VPS13C: variants seen among roughly 807,000 people sequenced by gnomAD.
VPS13C encodes the protein vacuolar protein sorting 13 homolog C.
VPS13C carries 358 observed loss-of-function variants against 456.8 expected under a neutral mutation model. The ratio of observed to expected loss-of-function variants is 0.78; its 90% confidence interval spans 0.72 to 0.86. The LOEUF (loss-of-function observed/expected upper bound fraction) is 0.86. Among genes scored for constraint, VPS13C ranks in the 40% least tolerant of loss-of-function variants. The pLI is 0.00. For missense variants in VPS13C, 4,818 were observed against 4,385.4 expected (o/e 1.10, Z -2.79); for synonymous variants, 1,578 against 1,486.7 (o/e 1.06, Z -1.41).
intron 66 of VPS13C, among the ~76,000 whole-genome samples, chr15:61,899,690 C>T (rs900572690): frequency 1.3e-5 from 2 of 150,728 alleles, no homozygotes; most frequent in Admixed American, 6.6e-5. Context: ...GGTACAAGGA[C>T]GAACTGGTAC....
At chr15:61,877,659 G>C (rs1237709395) in intron 74 of VPS13C, among the ~76,000 whole-genome samples, 1 of 151,546 alleles carries the variant, frequency 6.6e-6, no homozygotes, top group Admixed American at 6.6e-5. Flanking sequence ...AACATTGAAG[G>C]CTCCTAACAA....
At chr15:61,983,798 G>C in intron 20 of VPS13C, 22 bp downstream of exon 20, 5 of 1,607,722 alleles carry the variant, frequency 3.1e-6, no homozygotes, top group Non-Finnish European at 4.2e-6. Flanking sequence ...TAAATAAAGA[G>C]TTACTTTCTC....
intron 35 of VPS13C, 133 bp downstream of exon 35, chr15:61,961,456 C>A: frequency 4.3e-6 from 3 of 695,816 alleles, no homozygotes; most frequent in South Asian, 2.5e-5. Flanking sequence ...ACAATGACAA[C>A]AATAAAAAAA....
intron 1 of VPS13C, among the ~76,000 whole-genome samples, chr15:62,049,229 G>A (rs1236623159): frequency 6.6e-6 from 1 of 152,130 alleles, no homozygotes; most frequent in Non-Finnish European, 1.5e-5. Flanking sequence ...GGGTTTTTAT[G>A]GTTTTAGGTC....
At chr15:61,870,799 T>C (rs1158086081) in intron 79 of VPS13C, among the ~76,000 whole-genome samples, 1 of 152,164 alleles carries the variant, frequency 6.6e-6, no homozygotes, top group Non-Finnish European at 1.5e-5. Flanking sequence ...CACTTGATTC[T>C]AGCCATCCCA....
chr15:61,946,489 C>T (rs1398567655), intron 43 of VPS13C, 79 bp from the exon 44 acceptor site: 2 of 993,028 alleles, frequency 2.0e-6, no homozygotes, highest in Non-Finnish European at 2.9e-6. Flanking sequence ...CAATAATATA[C>T]TGACAAGATA....
In VPS13C at chr15:61,951,918, G is replaced by A. The variant is rs17238245; in HGVS notation, c.4362C>T (p.Val1454=). The A allele has an allele frequency of 0.024, 37,983 of 1,613,454 alleles. 563 individuals are homozygous for A. The highest frequency in any genetic ancestry group is 0.075 in the East Asian group (3,380 of 44,818). The change falls in exon 39 of 85, where the codon GTC becomes GTT. Residue 1454 remains valine (V), a synonymous_variant. Transcript: ENST00000644861. ...CTTTAGCTTCCATTCCAAGTTGCAG[G>A]ACATTTAGCTCATGTAAAGGCCTTC... ...KKGRPLHELN[V]LQLGMEAKVK...
At chr15:61,934,387 T>A in intron 48 of VPS13C, 56 bp from the exon 49 acceptor site, 3 of 918,452 alleles carry the variant, frequency 3.3e-6, no homozygotes, top group Non-Finnish European at 4.7e-6. Context: ...TAAATATTTT[T>A]AAATATGAGA....
chr15:61,967,846 C>T (rs1400487870), intron 28 of VPS13C, among the ~76,000 whole-genome samples: 1 of 151,798 alleles, frequency 6.6e-6, no homozygotes, highest in Non-Finnish European at 1.5e-5. Flanking sequence ...AACTTAAAAA[C>T]AACAGGTACT....
chr15:61,973,163 A>C (rs2045605592), intron 26 of VPS13C, among the ~76,000 whole-genome samples: 1 of 152,198 alleles, frequency 6.6e-6, no homozygotes, highest in South Asian at 2.1e-4. Context: ...AATTAGGTCA[A>C]AGTTAGAGAA....
At chr15:62,058,561 C>G (rs987880404) in intron 1 of VPS13C, among the ~76,000 whole-genome samples, 8 of 152,112 alleles carry the variant, frequency 5.3e-5, no homozygotes, top group African/African-American at 1.9e-4. Context: ...TATAAGCAAT[C>G]CAGAGATGAC....
At chr15:62,004,827 G>A (rs1259676870) in intron 15 of VPS13C, among the ~76,000 whole-genome samples, 1 of 151,876 alleles carries the variant, frequency 6.6e-6, no homozygotes, top group Non-Finnish European at 1.5e-5. Context: ...GTAGTTGAGC[G>A]GTTTTGAGTG....
At position 61,863,444 on chromosome 15, in the gene VPS13C, T is replaced by A. The variant is rs745860521; in HGVS notation, c.10948A>T (p.Asn3650Tyr). ...GSKKTILMVTNRRVLCIKEVE... is the reference protein window; with the variant it reads ...GSKKTILMVTYRRVLCIKEVE... ...AATGTCACTTCAAGTCAGTACCTAT[T>A]TGTAACCATAAGGATTGTCTTCTTG... The change falls in exon 82 of 85, where the codon AAT becomes TAT. Residue 3650 changes from asparagine (N) to tyrosine (Y), a missense_variant. Coordinates refer to ENST00000644861, the MANE Select transcript of VPS13C (RefSeq NM_020821.3). The A allele has an allele frequency of 1.1e-5, 17 of 1,610,840 alleles. No homozygotes were observed. Among genetic ancestry groups the A allele is most frequent in the Non-Finnish European group, 1.4e-5 (17 of 1,177,982 alleles).
intron 1 of VPS13C, among the ~76,000 whole-genome samples, chr15:62,045,429 G>A (rs1268312196): frequency 6.6e-6 from 1 of 152,136 alleles, no homozygotes; most frequent in African/African-American, 2.4e-5. Flanking sequence ...AGGCTGGAAG[G>A]TTTAAGTAGT....
intron 3 of VPS13C, among the ~76,000 whole-genome samples, 195 bp downstream of exon 3, chr15:62,041,128 CT>C (rs570130159): frequency 8.2e-4 from 124 of 152,050 alleles, no homozygotes; most frequent in Non-Finnish European, 1.6e-3. Context: ...CATTTTCTAC[CT>C]TTTGTCATAA....
chr15:61,995,692 C>A (rs544696878), intron 16 of VPS13C, among the ~76,000 whole-genome samples: 4 of 152,308 alleles, frequency 2.6e-5, no homozygotes, highest in South Asian at 2.1e-4. Flanking sequence ...CCTTCCATCC[C>A]ACAGCCACGA....
intron 8 of VPS13C, among the ~76,000 whole-genome samples, chr15:62,020,816 G>A (rs1304524980): frequency 6.6e-6 from 1 of 151,888 alleles, no homozygotes; most frequent in East Asian, 1.9e-4. Flanking sequence ...CTTCTCTCTA[G>A]ACAGTTAAAA....
intron 77 of VPS13C, 49 bp from the exon 78 acceptor site, chr15:61,873,458 A>C (rs1244327658): frequency 1.3e-6 from 2 of 1,552,048 alleles, no homozygotes; most frequent in Non-Finnish European, 1.8e-6. Context: ...GAACTATACA[A>C]GGAACTCAAC....
chr15:61,868,906 A>T, intron 80 of VPS13C, 133 bp from the exon 81 acceptor site: 1 of 729,150 alleles, frequency 1.4e-6, no homozygotes, highest in Non-Finnish European at 2.2e-6. Context: ...AAATAATGCA[A>T]AAGTATTAAA....
Sources: allele counts gnomAD v4.1 joint callset (sites outside exome capture counted in the v4.1 genomes callset), GRCh38; gene constraint gnomAD v4.1.1; transcripts MANE v1.5; gene names NCBI Gene and HGNC (gene_info 2026-07-23, HGNC 2026-07-21).